Variants in NEBL observed in about 807,000 individuals in gnomAD.
NEBL encodes LIM and SH3 protein 2.
Under a neutral mutation model 140.2 loss-of-function variants are expected in NEBL, and 122 were observed. That is an observed-to-expected ratio of 0.87 (90% CI 0.75 to 1.01). The LOEUF (loss-of-function observed/expected upper bound fraction) is 1.01. Ranked by LOEUF, NEBL falls within the 50% of genes least tolerant of loss-of-function variation. The pLI is 0.00. For missense variants in NEBL, 1,365 were observed against 1,231.3 expected (o/e 1.11, Z -1.62); for synonymous variants, 436 against 398.9 (o/e 1.09, Z -1.11).
In NEBL at chr10:21,272,979, T is replaced by C. The variant is rs574570683; in HGVS notation, n.182+19851A>G. Among the ~76,000 whole-genome samples the C allele has an allele frequency of 1.3e-5, 2 of 152,286 alleles. 1 individual carries two copies. Among genetic ancestry groups the C allele is most frequent in the South Asian group, 4.1e-4 (2 of 4,822 alleles). On this transcript the variant is annotated intron_variant and non_coding_transcript_variant, in intron 1 of 8. Coordinates refer to the NEBL transcript ENST00000675702. ...CAGAATAGACAAGGCTCCTTCTTACTCTGCCACCCCGCCCCAACCAAAACA... is the reference window on the plus strand; with the variant it reads ...CAGAATAGACAAGGCTCCTTCTTACCCTGCCACCCCGCCCCAACCAAAACA...
chr10:20,911,734 T>C lies in NEBL; in HGVS notation c.357+49938A>G, dbSNP rs146852977. ...GATGTAGCTATCCTTAGTGTATTCA[T>C]GACTATGTGTTCCAAAATCGATATA... On this transcript the variant is annotated intron_variant, in intron 4 of 6. Transcript: ENST00000417816. Among the ~76,000 whole-genome samples, 181 of 152,332 alleles carry C rather than the reference T, an allele frequency of 1.2e-3. 1 individual carries two copies. The highest frequency in any genetic ancestry group is 4.1e-3 in the African/African-American group (170 of 41,586).
At chr10:20,857,917 A>T (rs1425100043) in intron 9 of NEBL, among the ~76,000 whole-genome samples, 3 of 152,150 alleles carry the variant, frequency 2.0e-5, no homozygotes, top group Non-Finnish European at 2.9e-5. Flanking sequence ...AATATCCCTG[A>T]CTTGAGAGCC....
chr10:20,971,118 T>C (rs1221029493), intron 3 of NEBL, among the ~76,000 whole-genome samples: 1 of 152,230 alleles, frequency 6.6e-6, no homozygotes, highest in East Asian at 1.9e-4. Flanking sequence ...TTTTCAGGTC[T>C]TTCTGTTGAA....
At chr10:21,146,220 C>T in intron 2 of NEBL, 1 of 732,930 alleles carries the variant, frequency 1.4e-6, no homozygotes, top group Middle Eastern at 2.5e-4. Context: ...TTATTTCATG[C>T]AGAGGGTACT....
intron 2 of NEBL, among the ~76,000 whole-genome samples, chr10:21,106,092 T>G (rs1837705231): frequency 1.3e-5 from 2 of 152,090 alleles, no homozygotes; most frequent in South Asian, 4.2e-4. Flanking sequence ...TATTAGCCCT[T>G]TGTCAGATGG....
At chr10:20,920,525 T>C (rs1170497767) in intron 4 of NEBL, among the ~76,000 whole-genome samples, 1 of 152,130 alleles carries the variant, frequency 6.6e-6, no homozygotes, top group East Asian at 1.9e-4. Flanking sequence ...AAAAGCAAAG[T>C]ACAAAAGAGT....
At position 21,202,461 on chromosome 10, in the gene NEBL, C is replaced by CTTTTTTTTTTTTTTT. The variant is rs35623208; in HGVS notation, n.349-29999_349-29985dup. On this transcript the variant is annotated intron_variant and non_coding_transcript_variant, in intron 3 of 8. Transcript: ENST00000675702. ...ACCTTCTAATTTTTCTTTTCTTTTT[C>CTTTTTTTTTTTTTTT]TTTTTTTTTTTTTTTTTTTTGAAAC... Among the ~76,000 whole-genome samples, 37 of 117,304 alleles carry CTTTTTTTTTTTTTTT rather than the reference C, an allele frequency of 3.2e-4. 1 individual carries two copies. The highest frequency in any genetic ancestry group is 7.8e-4 in the African/African-American group (23 of 29,414). The allele number at this position is 117,304 out of a possible 152,430, so 77.0% of individuals were successfully genotyped here.
intron 4 of NEBL, among the ~76,000 whole-genome samples, chr10:20,928,808 T>C (rs1190555876): frequency 6.6e-6 from 1 of 152,214 alleles, no homozygotes; most frequent in Non-Finnish European, 1.5e-5. Flanking sequence ...CAACGTTAAT[T>C]AAAGCACGCT....
At chr10:21,216,344 A>T (rs541502866) in intron 3 of NEBL, among the ~76,000 whole-genome samples, 6 of 152,296 alleles carry the variant, frequency 3.9e-5, no homozygotes, top group Non-Finnish European at 5.9e-5. Context: ...AGTGGTCCTA[A>T]CCAGCTGCAA....
chr10:21,152,531 T>G (rs1840182540), intron 2 of NEBL, among the ~76,000 whole-genome samples: 1 of 151,340 alleles, frequency 6.6e-6, no homozygotes, highest in Non-Finnish European at 1.5e-5. Flanking sequence ...GCTATGATTA[T>G]GCTACTGCAC....
intron 3 of NEBL, among the ~76,000 whole-genome samples, chr10:21,211,308 G>A (rs924288387): frequency 2.1e-5 from 3 of 140,538 alleles, no homozygotes; most frequent in East Asian, 1.9e-4. Flanking sequence ...GGAAGACCGC[G>A]TTTCTACAAA....
intron 2 of NEBL, among the ~76,000 whole-genome samples, chr10:21,141,444 T>C (rs1448540755): frequency 6.6e-6 from 1 of 152,192 alleles, no homozygotes; most frequent in African/African-American, 2.4e-5. Flanking sequence ...TATCAAAATA[T>C]GACCATTTGG....
chr10:20,882,409 A>G (rs1846098572), intron 4 of NEBL, among the ~76,000 whole-genome samples: 1 of 152,140 alleles, frequency 6.6e-6, no homozygotes, highest in Non-Finnish European at 1.5e-5. Flanking sequence ...GGCTTTACCA[A>G]GAACAAAACA....
intron 2 of NEBL, among the ~76,000 whole-genome samples, chr10:21,141,747 G>A (rs988633662): frequency 3.3e-5 from 5 of 152,206 alleles, no homozygotes; most frequent in Non-Finnish European, 7.4e-5. Context: ...ATCTCAGAGT[G>A]TGTTATCTGA....
intron 2 of NEBL, among the ~76,000 whole-genome samples, chr10:21,020,959 A>G (rs936395613): frequency 1.3e-5 from 2 of 152,074 alleles, no homozygotes; most frequent in Admixed American, 6.6e-5. Context: ...ATCCAATAGC[A>G]TTTCCATTTG....
chr10:20,793,206 A>T, intron 26 of NEBL: 1 of 249,870 alleles, frequency 4.0e-6, no homozygotes, highest in Non-Finnish European at 6.4e-6. Flanking sequence ...CCAGACTTCA[A>T]TATAAAAATG....
At position 21,140,036 on chromosome 10, in the gene NEBL, C is replaced by T. The variant is rs147688228; in HGVS notation, c.164+32347G>A. 4.2e-3 allele frequency among the ~76,000 whole-genome samples: 631 copies of T among 151,786 alleles called. 5 individuals carry two copies. The highest frequency in any genetic ancestry group is 0.014 in the African/African-American group (588 of 41,298). On this transcript the variant is annotated intron_variant, in intron 2 of 6. Transcript: ENST00000417816. ...AAAAATTAGGCGTGGTTTCAGGTGC[C>T]TGTAATCCCAGCTACTCTGGAGACT...
chr10:21,190,923 C>CATCT (rs2132216668), intron 3 of NEBL, among the ~76,000 whole-genome samples: 1 of 152,298 alleles, frequency 6.6e-6, no homozygotes, highest in Admixed American at 6.5e-5. Context: ...TCTTATAATT[C>CATCT]ATCTTCCTCC....
chr10:20,933,804 C>T (rs1834329153), intron 4 of NEBL, among the ~76,000 whole-genome samples: 1 of 152,104 alleles, frequency 6.6e-6, no homozygotes, highest in Non-Finnish European at 1.5e-5. Context: ...AATTCAGATA[C>T]AACACAAATG....
Sources: gnomAD v4.1 joint callset for allele counts (sites outside exome capture counted in the v4.1 genomes callset) on GRCh38, gnomAD v4.1.1 for gene constraint, MANE v1.5 for transcripts, NCBI Gene and HGNC (gene_info 2026-07-23, HGNC 2026-07-21) for gene names.